WNK1: variants seen among roughly 807,000 people sequenced by gnomAD.
WNK1 encodes the protein serine/threonine-protein kinase WNK1.
In WNK1, 38 loss-of-function variants were observed where a neutral mutation model predicts 222.8. The ratio of observed to expected loss-of-function variants is 0.17; its 90% confidence interval spans 0.13 to 0.22. The LOEUF (loss-of-function observed/expected upper bound fraction) is 0.22. Ranked by LOEUF, WNK1 falls within the 10% of genes least tolerant of loss-of-function variation. The probability of loss-of-function intolerance (pLI) is 1.00; values close to 1 mark genes in which losing one functional copy is unlikely to be tolerated. For synonymous variants in WNK1, 1,090 were observed against 1,092.9 expected, an observed-to-expected ratio of 1.00 and a Z score of 0.05; for missense variants, 2,348 against 2,918.4, an observed-to-expected ratio of 0.80 and a Z score of 4.50.
chr12:867,282 A>T (rs922098159), intron 8 of WNK1, among the ~76,000 whole-genome samples: 9 of 152,218 alleles, frequency 5.9e-5, no homozygotes, highest in African/African-American at 2.2e-4. Flanking sequence ...CATTACTGTC[A>T]CTAGTCAAAT....
chr12:768,461 C>T (rs1942054878), intron 1 of WNK1, among the ~76,000 whole-genome samples: 4 of 151,896 alleles, frequency 2.6e-5, no homozygotes, highest in Admixed American at 2.0e-4. Flanking sequence ...CTTTATGTCT[C>T]CACAGATTTT....
Position 754,076 on chromosome 12 carries a change from C to A in WNK1, c.511C>A (p.Leu171Ile). ...AGACCGCCCAGTGTCCCAGCCTAGC[C>A]TTGTGGGGAGCAAAGAGGAGCCGCC... ...SKDRPVSQPS[L>I]VGSKEEPPPA... The change falls in exon 1 of 28, where the codon CTT (leucine) becomes ATT (isoleucine). Residue 171 changes from leucine to isoleucine, a missense_variant. Around this residue, in one of 13 missense-constraint regions of WNK1, gnomAD observed 185 missense variants for 159.2 expected, o/e 1.16. Coordinates refer to ENST00000315939, the MANE Select transcript of WNK1 (RefSeq NM_018979.4). 1.2e-6 allele frequency: 2 copies of A among 1,608,598 alleles called. No homozygotes were observed. Among genetic ancestry groups the A allele is most frequent in the Middle Eastern group, 1.7e-4 (1 of 5,732 alleles).
rs1407302206 is a variant in WNK1 at position 887,142 on chromosome 12, A to G, written c.5281-79A>G. On this transcript the variant is annotated intron_variant, in intron 19 of 27. Transcript: ENST00000315939. ...TTTTATTCTTATGTTTGTGCATTCA[A>G]ATTAGTTGATTTGCTCTTCAGTACG... is the stretch of plus-strand genomic sequence containing the variant. The G allele has an allele frequency of 4.1e-6, 5 of 1,231,392 alleles. No individual in the cohort carries two copies. The African/African-American group carries it at 4.5e-5, about 11-fold the overall frequency. 76.3% of individuals were successfully genotyped at this position (1,231,392 alleles called of 1,614,324 possible). A position where few individuals can be genotyped will look rare whatever the true frequency, so the allele number is the denominator to read the frequency against.
intron 4 of WNK1, among the ~76,000 whole-genome samples, chr12:846,200 T>A (rs1175569420): frequency 2.6e-5 from 4 of 152,222 alleles, no homozygotes; most frequent in Non-Finnish European, 5.9e-5. Flanking sequence ...TTTTGAGCTC[T>A]GAGTAAAGGT....
At chr12:864,408 G>T (rs773745665) in intron 8 of WNK1, among the ~76,000 whole-genome samples, 2 of 152,184 alleles carry the variant, frequency 1.3e-5, no homozygotes, top group Non-Finnish European at 2.9e-5. Flanking sequence ...ACCATGCCCG[G>T]CCTAAATTAT....
intron 4 of WNK1, among the ~76,000 whole-genome samples, chr12:850,527 C>CA (rs1950344314): frequency 7.3e-6 from 1 of 137,516 alleles, no homozygotes; most frequent in South Asian, 2.3e-4. Flanking sequence ...GTTGCCTGTT[C>CA]ACTCTGATGG....
chr12:795,663 AACTG>A (rs75899025), intron 1 of WNK1, among the ~76,000 whole-genome samples: 74,547 of 151,400 alleles, frequency 0.49, 18,994 homozygotes, highest in East Asian at 0.82. Context: ...GCAGCATGAA[AACTG>A]ACTAATACAG....
chr12:768,027 A>G (rs1941993460), intron 1 of WNK1, among the ~76,000 whole-genome samples: 1 of 152,196 alleles, frequency 6.6e-6, no homozygotes, highest in Non-Finnish European at 1.5e-5. Context: ...TAAACTATCA[A>G]CTTAAATATT....
intron 23 of WNK1, among the ~76,000 whole-genome samples, chr12:895,059 A>G (rs868820778): frequency 1.2e-4 from 19 of 152,332 alleles, no homozygotes; most frequent in South Asian, 8.3e-4. Context: ...AGTAACAGCA[A>G]ACATCTTTGT....
At chr12:754,389 T>C in intron 1 of WNK1, 65 bp downstream of exon 1, 1 of 1,603,522 alleles carries the variant, frequency 6.2e-7, no homozygotes, top group Non-Finnish European at 8.5e-7. Context: ...CGAAGCCAGT[T>C]GATCGAGTTC....
At chr12:872,334 A>G (rs1466191995) in intron 9 of WNK1, among the ~76,000 whole-genome samples, 1 of 152,058 alleles carries the variant, frequency 6.6e-6, no homozygotes, top group African/African-American at 2.4e-5. Context: ...AATTTAGTAG[A>G]GATGGCGTTT....
chr12:896,748 C>A lies in WNK1; in HGVS notation c.6245+16C>A. Reference sequence around the variant, plus strand: ...TACGAGATAAGTAAGTATATTTTCTCTTGTGAAAGAATGTCAGATAAGGTT... The same window carrying A: ...TACGAGATAAGTAAGTATATTTTCTATTGTGAAAGAATGTCAGATAAGGTT... On this transcript the variant is annotated intron_variant, in intron 24 of 27. Coordinates refer to ENST00000315939, the MANE Select transcript of WNK1 (RefSeq NM_018979.4). The A allele has an allele frequency of 6.2e-7, 1 of 1,607,456 alleles. No individual in the cohort carries two copies. Among genetic ancestry groups the A allele is most frequent in the South Asian group, 1.1e-5 (1 of 90,630 alleles).
rs1328839301 is a variant in WNK1 at position 827,508 on chromosome 12, G to A, written c.1153+246G>A. ...GTGAACTTTGTTGATAAAACCTAAT[G>A]TAATAGCCTTTTTTGTTGTTGTTGT... On this transcript the variant is annotated intron_variant, in intron 3 of 27. Coordinates refer to ENST00000315939, the MANE Select transcript of WNK1 (RefSeq NM_018979.4). This position sits in a 1 kb window ranked among gnomAD's most constrained non-coding sequence, Gnocchi z 4.6. 7.2e-6 allele frequency: 4 copies of A among 554,240 alleles called. No individual in the cohort carries two copies. The highest frequency in any genetic ancestry group is 3.3e-5 in the Admixed American group (1 of 30,122). 34.3% of individuals were successfully genotyped at this position (554,240 alleles called of 1,614,324 possible).
intron 2 of WNK1, among the ~76,000 whole-genome samples, chr12:818,514 C>A (rs939216679): frequency 6.6e-6 from 1 of 152,134 alleles, no homozygotes; most frequent in Non-Finnish European, 1.5e-5. Context: ...ACAAAATTTA[C>A]CATCTTAACC....
At chr12:853,415 T>C (rs1950545295) in intron 4 of WNK1, among the ~76,000 whole-genome samples, 1 of 152,242 alleles carries the variant, frequency 6.6e-6, no homozygotes, top group Admixed American at 6.5e-5. Flanking sequence ...AAGATTTTCC[T>C]TCCTTTATTA....
At chr12:773,412 C>A (rs889485947) in intron 1 of WNK1, among the ~76,000 whole-genome samples, 1 of 152,014 alleles carries the variant, frequency 6.6e-6, no homozygotes, top group Non-Finnish European at 1.5e-5. Flanking sequence ...CTAGAGCATA[C>A]CAAAGATATT....
intron 4 of WNK1, among the ~76,000 whole-genome samples, chr12:831,563 T>G (rs1009625621): frequency 1.3e-5 from 2 of 151,938 alleles, no homozygotes; most frequent in African/African-American, 4.8e-5. Context: ...TTCCTTTGTC[T>G]TCCATTAAAC....
intron 8 of WNK1, chr12:868,768 C>T: frequency 6.2e-7 from 1 of 1,614,044 alleles, no homozygotes; most frequent in East Asian, 2.2e-5. Context: ...TACATGGCTA[C>T]TTGCAGCCTG....
intron 1 of WNK1, among the ~76,000 whole-genome samples, chr12:810,094 A>T (rs940081104): frequency 2.6e-5 from 4 of 152,168 alleles, no homozygotes; most frequent in African/African-American, 9.7e-5. Context: ...TACTAAAAAT[A>T]CAAAAATTAG....
Sources: gnomAD v4.1 joint callset for allele counts (sites outside exome capture counted in the v4.1 genomes callset) on GRCh38, gnomAD v4.1.1 for gene constraint, gnomAD v4.1.1 regional missense constraint, Gnocchi (gnomAD v3.1) non-coding constraint, MANE v1.5 for transcripts, NCBI Gene and HGNC (gene_info 2026-07-23, HGNC 2026-07-21) for gene names.